CDR2L: variants seen among roughly 807,000 people sequenced by gnomAD.
CDR2L encodes cerebellar degeneration-related protein 2-like.
In CDR2L, 19 loss-of-function variants were observed where a neutral mutation model predicts 36.1. The observed-to-expected ratio is 0.53, with a 90% CI of 0.37 to 0.77. The LOEUF (loss-of-function observed/expected upper bound fraction) is 0.77. CDR2L is among the 30% of genes least tolerant of loss of function. CDR2L has a pLI of 0.00. For missense variants in CDR2L, 575 were observed against 627.2 expected, an observed-to-expected ratio of 0.92 and a Z score of 0.89; for synonymous variants, 285 against 280.4, an observed-to-expected ratio of 1.02 and a Z score of -0.16.
chr17:75,003,249 G>T lies in CDR2L; in HGVS notation c.573G>T (p.Glu191Asp). 1 of 1,562,344 alleles carries T rather than the reference G, an allele frequency of 6.4e-7. No individual in the cohort carries two copies. Among genetic ancestry groups the T allele is most frequent in the African/African-American group, 1.4e-5 (1 of 73,682 alleles). The change falls in exon 5 of 5, where the codon GAG becomes GAT. Residue 191 changes from glutamate (E) to aspartate (D), a missense_variant. Coordinates refer to ENST00000337231, the MANE Select transcript of CDR2L (RefSeq NM_014603.3). ...TGGGCCCGCGGCCCCTGGAGCAGGAGAACGAGCGGCTGCAGACCCTGGTGG... is the reference window on the plus strand; with the variant it reads ...TGGGCCCGCGGCCCCTGGAGCAGGATAACGAGCGGCTGCAGACCCTGGTGG... ...LELGPRPLEQ[E>D]NERLQTLVGA...
rs994114005 is a variant in CDR2L at position 74,999,735 on chromosome 17, G to A, written c.192+119G>A. On this transcript the variant is annotated intron_variant, in intron 2 of 4. Transcript: ENST00000337231. ...GACACAGCCTTAGCCCAATAGCCTGGTACAGTTCACAACTGTGCTATCCTG... is the reference window on the plus strand; with the variant it reads ...GACACAGCCTTAGCCCAATAGCCTGATACAGTTCACAACTGTGCTATCCTG... 3.4e-5 allele frequency: 21 copies of A among 612,500 alleles called. No individual in the cohort carries two copies. In the African/African-American group the frequency reaches 3.5e-4, roughly 10 times the overall value. 37.9% of individuals were successfully genotyped at this position (612,500 alleles called of 1,614,324 possible). A position where few individuals can be genotyped will look rare whatever the true frequency, so the allele number is the denominator to read the frequency against.
chr17:74,998,403 A>G (rs1180602332), intron 1 of CDR2L, among the ~76,000 whole-genome samples: 2 of 150,162 alleles, frequency 1.3e-5, no homozygotes, highest in African/African-American at 4.9e-5. Context: ...AGGTCTCACT[A>G]TGTTGCCCTG....
chr17:74,998,278 C>T (rs1445187775), intron 1 of CDR2L, among the ~76,000 whole-genome samples: 1 of 151,976 alleles, frequency 6.6e-6, no homozygotes, highest in Non-Finnish European at 1.5e-5. Flanking sequence ...TATTATAGTC[C>T]CACGCCTATT....
intron 1 of CDR2L, among the ~76,000 whole-genome samples, chr17:74,991,216 A>C (rs1044524161): frequency 2.0e-5 from 3 of 150,786 alleles, no homozygotes; most frequent in Non-Finnish European, 4.4e-5. Context: ...TAGCCTGACC[A>C]ACATGGAGAA....
At chr17:74,998,872 G>GC (rs1225336175) in intron 1 of CDR2L, among the ~76,000 whole-genome samples, 1 of 152,212 alleles carries the variant, frequency 6.6e-6, no homozygotes, top group Admixed American at 6.5e-5. Context: ...AATTAGGCCA[G>GC]CAGTGGGGCT....
At chr17:75,001,315 G>A (rs757733375) in intron 2 of CDR2L, 26 bp from the exon 3 acceptor site, 9 of 1,576,124 alleles carry the variant, frequency 5.7e-6, no homozygotes, top group Non-Finnish European at 6.9e-6. Context: ...ATTCTAAAAA[G>A]TTACTCAATG....
Position 75,005,130 on chromosome 17 carries a change from A to G in CDR2L, c.*1056A>G, listed in dbSNP as rs1182699239. 1 of 152,480 alleles carries G rather than the reference A, an allele frequency of 6.6e-6. No individual in the cohort carries two copies. Among genetic ancestry groups the G allele is most frequent in the Non-Finnish European group, 1.5e-5 (1 of 68,094 alleles). 9.4% of individuals were successfully genotyped at this position (152,480 alleles called of 1,614,324 possible). ...GACTGGGGTTTTCGCCCCATGCTGC[A>G]TCGTGTTGTATTGGGATGGGGCTGA... On this transcript the variant is annotated 3_prime_UTR_variant, in exon 5 of 5. Transcript: ENST00000337231. The surrounding 1 kb of genome is among the most constrained non-coding windows in gnomAD (Gnocchi z 4.2).
chr17:74,994,501 T>A (rs1279901259), intron 1 of CDR2L, among the ~76,000 whole-genome samples: 2 of 152,236 alleles, frequency 1.3e-5, no homozygotes, highest in Non-Finnish European at 2.9e-5. Flanking sequence ...TATCTAGGCC[T>A]ACCTTTTGTT....
intron 1 of CDR2L, among the ~76,000 whole-genome samples, chr17:74,991,262 C>A (rs2144856021): frequency 6.6e-6 from 1 of 151,882 alleles, no homozygotes; most frequent in Non-Finnish European, 1.5e-5. Flanking sequence ...ATTAGCCAGG[C>A]GTGGTGGCAC....
intron 1 of CDR2L, among the ~76,000 whole-genome samples, chr17:74,996,403 C>T (rs2039825834): frequency 7.0e-6 from 1 of 143,466 alleles, no homozygotes; most frequent in Admixed American, 7.2e-5. Flanking sequence ...GAGATTGCCC[C>T]ACTGCTCTCC....
In CDR2L at chr17:75,000,959, C is replaced by T. The variant is rs141693156; in HGVS notation, c.193-382C>T. ...TTAATTTAAAAAAAAAAGAGGCTGG[C>T]GTGGTGGTGCATGCCTATAATCCCA... On this transcript the variant is annotated intron_variant, in intron 2 of 4. Coordinates refer to ENST00000337231, the MANE Select transcript of CDR2L (RefSeq NM_014603.3). 1.4e-3 allele frequency among the ~76,000 whole-genome samples: 208 copies of T among 151,398 alleles called. 1 individual carries two copies. Among genetic ancestry groups the T allele is most frequent in the African/African-American group, 2.5e-3 (103 of 41,258 alleles).
chr17:75,003,045 C>T (rs1256966557), intron 4 of CDR2L, 138 bp from the exon 5 acceptor site: 4 of 908,838 alleles, frequency 4.4e-6, no homozygotes, highest in Middle Eastern at 3.4e-4. Context: ...GGAGAGCCAA[C>T]GGAGAGGGGC....
chr17:75,001,588 C>A, intron 3 of CDR2L, 99 bp downstream of exon 3: 2 of 1,120,814 alleles, frequency 1.8e-6, no homozygotes, highest in Non-Finnish European at 2.4e-6. Context: ...TTGTGCACGT[C>A]TCCCTAGGAA....
In CDR2L at chr17:74,999,533, ACT is replaced by A; in HGVS notation, c.112_113del (p.Leu38AlafsTer19). On this transcript the variant is annotated frameshift_variant, in exon 2 of 5. Transcript: ENST00000337231. LOFTEE classifies it high-confidence loss of function. ...DLHLAAELGK[T>X]LLERNKELEG... ...GCACCTAGCTGCGGAGCTGGGGAAG[ACT>A]CTGCTGGAGAGGAACAAGGAGCTGG... is the stretch of plus-strand genomic sequence containing the variant. The A allele has an allele frequency of 2.5e-6, 4 of 1,584,382 alleles. No homozygotes were observed. The highest frequency in any genetic ancestry group is 2.3e-5 in the East Asian group (1 of 43,448).
At position 74,987,943 on chromosome 17, in the gene CDR2L, C is replaced by G. The variant is rs2039773254; in HGVS notation, c.-101C>G. 1 of 541,392 alleles carries G rather than the reference C, an allele frequency of 1.8e-6. No individual in the cohort carries two copies. Among genetic ancestry groups the G allele is most frequent in the Admixed American group, 4.7e-5 (1 of 21,144 alleles). 33.5% of individuals were successfully genotyped at this position (541,392 alleles called of 1,614,324 possible). ...GGCGCGGGCTCTGTAGCCCGAGTTC[C>G]CGACGCTGGAGGCCCGGCCCGCCTC... is the stretch of plus-strand genomic sequence containing the variant. On this transcript the variant is annotated 5_prime_UTR_variant, in exon 1 of 5. Transcript: ENST00000337231.
intron 2 of CDR2L, 142 bp downstream of exon 2, chr17:74,999,758 C>T (rs1469289044): frequency 1.1e-5 from 6 of 561,292 alleles, no homozygotes; most frequent in Non-Finnish European, 1.9e-5. Context: ...CTGTGCTATC[C>T]TGTACAAGGA....
rs1483777166 is a variant in CDR2L at position 75,003,635 on chromosome 17, C to T, written c.959C>T (p.Thr320Ile). ...GTGGTGCGCAAGAGCTGCAGCGACA[C>T]TGCGCTCAACGCCATCGTGGCCAAA... ...GHVVRKSCSD[T>I]ALNAIVAKDP... Residue 320 changes from threonine (T) to isoleucine (I), a missense_variant, in exon 5 of 5, where the codon ACT (threonine) becomes ATT (isoleucine). Physicochemically the swap from Thr to Ile is moderately conservative, Grantham distance 89. Transcript: ENST00000337231. 3.4e-6 allele frequency: 5 copies of T among 1,466,976 alleles called. No homozygotes were observed. The South Asian group carries it at 5.7e-5, about 17-fold the overall frequency. The allele number at this position is 1,466,976 out of a possible 1,614,324, so 90.9% of individuals were successfully genotyped here. A position where few individuals can be genotyped will look rare whatever the true frequency, so the allele number is the denominator to read the frequency against.
Position 75,005,509 on chromosome 17 carries a change from C to T in CDR2L, c.*1435C>T, listed in dbSNP as rs1316869285. On this transcript the variant is annotated 3_prime_UTR_variant, in exon 5 of 5. Coordinates refer to ENST00000337231, the MANE Select transcript of CDR2L (RefSeq NM_014603.3). This position sits in a 1 kb window ranked among gnomAD's most constrained non-coding sequence, Gnocchi z 4.2. The stretch of plus-strand genomic sequence containing the variant: ...CATCCCTGACCTCCTGGAGACACCA[C>T]CTGCTTTCCGGGCGGCACTGTGATG... The T allele has an allele frequency of 6.5e-6, 1 of 152,934 alleles. No individual in the cohort carries two copies. The highest frequency in any genetic ancestry group is 2.4e-5 in the African/African-American group (1 of 41,586). 9.5% of individuals were successfully genotyped at this position (152,934 alleles called of 1,614,324 possible). A position where few individuals can be genotyped will look rare whatever the true frequency, so the allele number is the denominator to read the frequency against.
Position 75,003,555 on chromosome 17 carries a change from G to A in CDR2L, c.879G>A (p.Gly293=). The A allele has an allele frequency of 1.3e-6, 2 of 1,510,290 alleles. No homozygotes were observed. Among genetic ancestry groups the A allele is most frequent in the Non-Finnish European group, 1.8e-6 (2 of 1,127,832 alleles). 93.6% of individuals were successfully genotyped at this position (1,510,290 alleles called of 1,614,324 possible). A position where few individuals can be genotyped will look rare whatever the true frequency, so the allele number is the denominator to read the frequency against. ...CCGACGATCCCCAGCCCGGCCGCGG[G>A]GACGACTTGGGCGCCCAGGACGGGG... ...PEADDPQPGR[G]DDLGAQDGVS... is the part of the protein sequence containing the mutation. The change falls in exon 5 of 5, where the codon GGG becomes GGA. Residue 293 remains glycine, a synonymous_variant. Coordinates refer to ENST00000337231, the MANE Select transcript of CDR2L (RefSeq NM_014603.3).
Sources: gnomAD v4.1 joint callset for allele counts (sites outside exome capture counted in the v4.1 genomes callset) on GRCh38, gnomAD v4.1.1 for gene constraint, Gnocchi (gnomAD v3.1) non-coding constraint, MANE v1.5 for transcripts, NCBI Gene and HGNC (gene_info 2026-07-23, HGNC 2026-07-21) for gene names.